The following SYNE2 variants were observed in gnomAD, a reference collection of about 807,000 sequenced individuals.
The protein encoded by SYNE2 is spectrin repeat containing nuclear envelope protein 2, also known as nesprin-2.
SYNE2 carries 431 observed loss-of-function variants against 856.3 expected under a neutral mutation model. That is an observed-to-expected ratio of 0.50 (90% confidence interval 0.47 to 0.55). The LOEUF is 0.55. Among genes scored for constraint, SYNE2 ranks in the 20% least tolerant of loss-of-function variants. The pLI is 0.00. For synonymous variants in SYNE2, 2,923 were observed against 2,872.3 expected (o/e 1.02, Z -0.56); for missense variants, 8,129 against 8,023.2 (o/e 1.01, Z -0.50).
rs1224198799 is a variant in SYNE2, at chr14:63,987,620, T to C, written c.2313+1003T>C. On this transcript the variant is annotated intron_variant, in intron 19 of 115. Coordinates refer to ENST00000555002, the MANE Select transcript of SYNE2 (RefSeq NM_182914.3). ...AGCATTTTGTGTTTTCATTGTGTGATAGTTTTTATTGCTTTGAAAATATTA... is the reference window on the plus strand; with the variant it reads ...AGCATTTTGTGTTTTCATTGTGTGACAGTTTTTATTGCTTTGAAAATATTA... Among the ~76,000 whole-genome samples, 3 of 152,218 alleles carry C rather than the reference T, an allele frequency of 2.0e-5. No individual in the cohort carries two copies. In the South Asian group the frequency reaches 6.2e-4, roughly 32 times the overall value.
At chr14:63,936,514 A>T (rs938164299) in intron 2 of SYNE2, among the ~76,000 whole-genome samples, 8 of 152,260 alleles carry the variant, frequency 5.3e-5, no homozygotes, top group Admixed American at 3.3e-4. Context: ...TCACCTGTGG[A>T]TAACAGTAGA....
At chr14:64,202,684 T>C in intron 99 of SYNE2, 117 bp from the exon 100 acceptor site, 2 of 1,345,876 alleles carry the variant, frequency 1.5e-6, no homozygotes, top group Admixed American at 2.1e-5. Context: ...CAAAATAGAT[T>C]CTTTTTTACC....
rs368360908 is a variant in SYNE2 at position 64,153,562 on chromosome 14, C to T, written c.15792+846C>T. Reference sequence around the variant, plus strand: ...ATAGGCAACACTCAGCCTCATTCCTCAGTCCTCATTCCCCCAGGAATGTAG... The same window carrying T: ...ATAGGCAACACTCAGCCTCATTCCTTAGTCCTCATTCCCCCAGGAATGTAG... On this transcript the variant is annotated intron_variant, in intron 85 of 115. Transcript: ENST00000555002. Among the ~76,000 whole-genome samples, 6 of 152,312 alleles carry T rather than the reference C, an allele frequency of 3.9e-5. No homozygotes were observed. In the East Asian group the frequency reaches 7.7e-4, roughly 20 times the overall value.
intron 68 of SYNE2, 76 bp downstream of exon 68, chr14:64,121,137 C>T: frequency 1.3e-6 from 2 of 1,594,676 alleles, no homozygotes; most frequent in Non-Finnish European, 1.7e-6. Context: ...AACCTACAGT[C>T]CTAGCTACTT....
intron 18 of SYNE2, 125 bp from the exon 19 acceptor site, chr14:63,986,331 C>A: frequency 9.8e-7 from 1 of 1,023,674 alleles, no homozygotes; most frequent in Non-Finnish European, 1.5e-6. Context: ...AACTCCTAGC[C>A]TCAAGCAATC....
chr14:64,187,487 A>G (rs749215033), intron 97 of SYNE2, among the ~76,000 whole-genome samples: 1 of 152,338 alleles, frequency 6.6e-6, no homozygotes, highest in Middle Eastern at 3.4e-3. Flanking sequence ...TATGAAATCA[A>G]TCAGAATGAC....
Position 64,056,309 on chromosome 14 carries a change from T to G in SYNE2, c.10067+43T>G, listed in dbSNP as rs546090041. On this transcript the variant is annotated intron_variant, in intron 49 of 115. Coordinates refer to ENST00000555002, the MANE Select transcript of SYNE2 (RefSeq NM_182914.3). Reference sequence around the variant, plus strand: ...GGTAATCTTTAAGAACATAAAATATTGTTTCAAGATATAATTAAACTATAT... The same window carrying G: ...GGTAATCTTTAAGAACATAAAATATGGTTTCAAGATATAATTAAACTATAT... 261 of 1,519,716 alleles carry G rather than the reference T, an allele frequency of 1.7e-4. 1 individual carries two copies. The African/African-American group carries it at 3.3e-3, about 19-fold the overall frequency. The allele number at this position is 1,519,716 out of a possible 1,614,324, so 94.1% of individuals were successfully genotyped here.
intron 49 of SYNE2, among the ~76,000 whole-genome samples, chr14:64,059,430 C>T (rs868483285): frequency 1.3e-5 from 2 of 152,216 alleles, no homozygotes; most frequent in Non-Finnish European, 2.9e-5. Flanking sequence ...AGTCATAGAG[C>T]TACCACCTTG....
At chr14:63,899,208 T>C (rs895915370) in intron 1 of SYNE2, among the ~76,000 whole-genome samples, 22 of 129,732 alleles carry the variant, frequency 1.7e-4, no homozygotes, top group Non-Finnish European at 6.9e-5. Context: ...CATCCTTAAG[T>C]TTTTTTTTTT....
intron 100 of SYNE2, chr14:64,207,923 C>T (rs946518606): frequency 1.6e-5 from 7 of 445,494 alleles, no homozygotes; most frequent in Admixed American, 1.2e-4. Context: ...TCCAGAATGG[C>T]AAAACAGGTT....
At chr14:64,155,533 A>C (rs1173220444) in intron 85 of SYNE2, among the ~76,000 whole-genome samples, 1 of 152,162 alleles carries the variant, frequency 6.6e-6, no homozygotes, top group Non-Finnish European at 1.5e-5. Flanking sequence ...ACACATTTTA[A>C]ATAGATGAAT....
chr14:64,090,800 ATAAT>A, intron 59 of SYNE2, 62 bp from the exon 60 acceptor site: 1 of 1,389,912 alleles, frequency 7.2e-7, no homozygotes, highest in Non-Finnish European at 1.0e-6. Flanking sequence ...TTAATTTTGA[ATAAT>A]TAAATTTAAC....
chr14:64,016,427 T>G, intron 32 of SYNE2, 46 bp from the exon 33 acceptor site: 2 of 1,299,842 alleles, frequency 1.5e-6, no homozygotes, highest in Non-Finnish European at 2.2e-6. Context: ...CTTAGCTGTT[T>G]GTCTATATCA....
chr14:63,953,547 T>G (rs771020331), intron 7 of SYNE2, among the ~76,000 whole-genome samples: 87 of 148,082 alleles, frequency 5.9e-4, no homozygotes, highest in Middle Eastern at 3.5e-3. Flanking sequence ...GAGAGAGAGA[T>G]AGATAGATAG....
chr14:64,212,187 G>A, intron 104 of SYNE2, 89 bp downstream of exon 104: 1 of 1,598,084 alleles, frequency 6.3e-7, no homozygotes, highest in Non-Finnish European at 8.5e-7. Flanking sequence ...ACGATACTCT[G>A]AGAGCAAATT....
chr14:63,866,432 G>C (rs1230050158), intron 1 of SYNE2, among the ~76,000 whole-genome samples: 1 of 152,148 alleles, frequency 6.6e-6, no homozygotes, highest in Non-Finnish European at 1.5e-5. Context: ...GAAGGCAAAG[G>C]TGGGAAAATC....
At chr14:63,853,727 G>T (rs1220694310) in intron 1 of SYNE2, among the ~76,000 whole-genome samples, 5 of 151,690 alleles carry the variant, frequency 3.3e-5, no homozygotes, top group African/African-American at 7.2e-5. Context: ...GCGCGGGGAC[G>T]GGCGGCCCGG....
intron 2 of SYNE2, among the ~76,000 whole-genome samples, chr14:63,912,716 T>G (rs899134714): frequency 6.6e-6 from 1 of 152,168 alleles, no homozygotes; most frequent in Non-Finnish European, 1.5e-5. Context: ...AAGAAAAGAT[T>G]AAAATGTCTC....
At chr14:63,937,991 T>A (rs899693820) in intron 2 of SYNE2, among the ~76,000 whole-genome samples, 1 of 152,098 alleles carries the variant, frequency 6.6e-6, no homozygotes, top group Non-Finnish European at 1.5e-5. Context: ...TGAATGGAGA[T>A]GCATGAACTT....
Sources: gnomAD v4.1 joint callset for allele counts (sites outside exome capture counted in the v4.1 genomes callset) on GRCh38, gnomAD v4.1.1 for gene constraint, MANE v1.5 for transcripts, NCBI Gene and HGNC (gene_info 2026-07-23, HGNC 2026-07-21) for gene names.